Variants in TYW1B observed in about 807,000 individuals in gnomAD.
The protein encoded by TYW1B is S-adenosyl-L-methionine-dependent tRNA 4-demethylwyosine synthase TYW1B.
Under a neutral mutation model 86.9 loss-of-function variants are expected in TYW1B, and 73 were observed. The ratio of observed to expected loss-of-function variants is 0.84; its 90% CI spans 0.70 to 1.02. The LOEUF is 1.02. TYW1B is among the 50% of genes least tolerant of loss of function. The pLI, the probability that TYW1B is intolerant of heterozygous loss-of-function variation, is 0.00. For missense variants in TYW1B, 637 were observed against 827.4 expected (o/e 0.77, Z 2.82); for synonymous variants, 248 against 292.8 (o/e 0.85, Z 1.56).
At chr7:72,721,368 G>T (rs2129570872) in intron 9 of TYW1B, among the ~76,000 whole-genome samples, 1 of 152,288 alleles carries the variant, frequency 6.6e-6, no homozygotes, top group East Asian at 1.9e-4. Flanking sequence ...CATCAACGGT[G>T]TAAAAGTGTT....
At chr7:72,675,408 A>T (rs1427607793) in intron 11 of TYW1B, among the ~76,000 whole-genome samples, 4 of 151,944 alleles carry the variant, frequency 2.6e-5, no homozygotes, top group African/African-American at 7.3e-5. Context: ...CAAAAAAATT[A>T]AAAAAAGAAA....
chr7:72,769,625 T>C (rs1554469158), intron 7 of TYW1B, among the ~76,000 whole-genome samples: 3 of 152,192 alleles, frequency 2.0e-5, no homozygotes, highest in African/African-American at 2.4e-5. Context: ...AGCCACAGTC[T>C]AGAGAAATAT....
At position 72,623,594 on chromosome 7, in the gene TYW1B, T is replaced by C. The variant is rs1812277260; in HGVS notation, c.1617+5293A>G. Among the ~76,000 whole-genome samples the C allele has an allele frequency of 1.3e-5, 2 of 152,050 alleles. 1 individual carries two copies. The highest frequency in any genetic ancestry group is 4.1e-4 in the South Asian group (2 of 4,820). ...AGTCCTGTCTACTAGGACCATGGAG[T>C]ACTTCCAGAATGGTCTCTTTTCTTC... On this transcript the variant is annotated intron_variant, in intron 12 of 13. Transcript: ENST00000620995.
intron 8 of TYW1B, among the ~76,000 whole-genome samples, chr7:72,743,785 A>C (rs1182391897): frequency 1.3e-5 from 2 of 151,136 alleles, no homozygotes; most frequent in Non-Finnish European, 2.9e-5. Flanking sequence ...CAGAGGTTGC[A>C]GTGAGCCGAG....
At chr7:72,613,615 C>T (rs1261976868) in intron 13 of TYW1B, among the ~76,000 whole-genome samples, 3 of 151,824 alleles carry the variant, frequency 2.0e-5, no homozygotes, top group African/African-American at 7.3e-5. Context: ...ACTATGTTGG[C>T]CAGGTTGGTC....
Position 72,627,289 on chromosome 7 carries a change from A to G in TYW1B, c.1617+1598T>C, listed in dbSNP as rs1161923002. 1.3e-5 allele frequency among the ~76,000 whole-genome samples: 2 copies of G among 152,026 alleles called. 1 individual carries two copies. The highest frequency in any genetic ancestry group is 1.3e-4 in the Admixed American group (2 of 15,258). On this transcript the variant is annotated intron_variant, in intron 12 of 13. Coordinates refer to ENST00000620995, the MANE Select transcript of TYW1B (RefSeq NM_001145440.3). ...ATGGTGAAACCCCGTCTCTACTAAA[A>G]ATAGAAAAATTAGCCAGGTGCGGTA...
At chr7:72,749,525 C>T (rs1417958395) in intron 7 of TYW1B, among the ~76,000 whole-genome samples, 1 of 152,170 alleles carries the variant, frequency 6.6e-6, no homozygotes, top group Admixed American at 6.5e-5. Context: ...ATCTCCCAAC[C>T]TCGTGATCTG....
intron 6 of TYW1B, among the ~76,000 whole-genome samples, chr7:72,787,690 G>C (rs571468155): frequency 1.3e-5 from 2 of 151,868 alleles, no homozygotes; most frequent in Non-Finnish European, 2.9e-5. Flanking sequence ...ACAATCACTT[G>C]AAAGAGGGAG....
chr7:72,703,026 ATTT>A (rs1166122885), intron 10 of TYW1B, among the ~76,000 whole-genome samples: 2 of 35,208 alleles, frequency 5.7e-5, no homozygotes, highest in South Asian at 1.1e-3. Context: ...ATATATATAT[ATTT>A]TTTTTTTTTT....
At chr7:72,690,413 A>G (rs1349095977) in intron 11 of TYW1B, among the ~76,000 whole-genome samples, 4 of 152,244 alleles carry the variant, frequency 2.6e-5, no homozygotes, top group Non-Finnish European at 5.9e-5. Flanking sequence ...ATACTCAAGT[A>G]CCAATATATT....
intron 9 of TYW1B, among the ~76,000 whole-genome samples, chr7:72,717,421 A>G (rs782211107): frequency 6.6e-6 from 1 of 152,170 alleles, no homozygotes; most frequent in Non-Finnish European, 1.5e-5. Flanking sequence ...GATCCCCTGT[A>G]CAACCTGCAT....
At chr7:72,613,898 C>T (rs1305736565) in intron 13 of TYW1B, among the ~76,000 whole-genome samples, 1 of 151,254 alleles carries the variant, frequency 6.6e-6, no homozygotes, top group Non-Finnish European at 1.5e-5. Context: ...AGAAAATATT[C>T]CTAGTTTTAA....
At chr7:72,723,529 G>A (rs1554458034) in intron 9 of TYW1B, among the ~76,000 whole-genome samples, 1 of 152,166 alleles carries the variant, frequency 6.6e-6, no homozygotes, top group African/African-American at 2.4e-5. Context: ...CACTTTGGGA[G>A]ACTGAGGCTG....
intron 2 of TYW1B, among the ~76,000 whole-genome samples, chr7:72,825,713 T>C (rs1367111669): frequency 1.3e-5 from 2 of 152,160 alleles, no homozygotes; most frequent in East Asian, 1.9e-4. Flanking sequence ...AGATGTGTGA[T>C]GTGAAAGTCA....
chr7:72,594,630 G>A (rs1231917907), intron 13 of TYW1B, among the ~76,000 whole-genome samples: 1 of 152,016 alleles, frequency 6.6e-6, no homozygotes, highest in Non-Finnish European at 1.5e-5. Flanking sequence ...CACTGAAGAG[G>A]AGGGAATACT....
At chr7:72,629,645 C>A (rs1325515450) in intron 11 of TYW1B, among the ~76,000 whole-genome samples, 1 of 152,122 alleles carries the variant, frequency 6.6e-6, no homozygotes, top group Non-Finnish European at 1.5e-5. Flanking sequence ...CTCCTGGACT[C>A]AAGTGATCCT....
intron 13 of TYW1B, among the ~76,000 whole-genome samples, chr7:72,590,985 A>G (rs1367363543): frequency 6.6e-6 from 1 of 152,212 alleles, no homozygotes; most frequent in Non-Finnish European, 1.5e-5. Context: ...AAATATCAAT[A>G]GGCATAGAAA....
intron 2 of TYW1B, among the ~76,000 whole-genome samples, chr7:72,816,269 G>A (rs1334089044): frequency 2.0e-5 from 3 of 151,954 alleles, no homozygotes; most frequent in East Asian, 1.9e-4. Context: ...CCAGCTACTC[G>A]GGAGGCTGAG....
intron 8 of TYW1B, among the ~76,000 whole-genome samples, chr7:72,731,937 C>T (rs1229185822): frequency 6.6e-6 from 1 of 151,848 alleles, no homozygotes; most frequent in African/African-American, 2.4e-5. Context: ...AGGACTCCAT[C>T]TCAAATAAAA....
Sources: gnomAD v4.1 joint callset for allele counts (sites outside exome capture counted in the v4.1 genomes callset) on GRCh38, gnomAD v4.1.1 for gene constraint, MANE v1.5 for transcripts, NCBI Gene and HGNC (gene_info 2026-07-23, HGNC 2026-07-21) for gene names.